The following ABCC5 variants were observed in gnomAD, a reference collection of about 807,000 sequenced individuals.
The protein encoded by ABCC5 is ATP-binding cassette sub-family C member 5.
ABCC5 carries 61 observed loss-of-function variants against 160.9 expected under a neutral mutation model. That is an observed-to-expected ratio of 0.38 (90% CI 0.31 to 0.47). The LOEUF is 0.47. ABCC5 is among the 20% of genes least tolerant of loss of function. The pLI is 0.99. For missense variants in ABCC5, 1,308 were observed against 1,813.3 expected, an observed-to-expected ratio of 0.72 and a Z score of 5.06; for synonymous variants, 666 against 700.6, an observed-to-expected ratio of 0.95 and a Z score of 0.78.
At chr3:183,985,742 C>A in intron 5 of ABCC5, 1 of 328,528 alleles carries the variant, frequency 3.0e-6, no homozygotes, top group African/African-American at 2.1e-5. Context: ...TCTGGTACTC[C>A]ATTAACATTA....
intron 28 of ABCC5, 74 bp from the exon 29 acceptor site, chr3:183,925,793 A>C: frequency 6.9e-7 from 1 of 1,449,536 alleles, no homozygotes; most frequent in Non-Finnish European, 9.3e-7. Flanking sequence ...ATTTTACTAA[A>C]ATGTATTTCA....
chr3:184,006,301 A>G (rs965908968), intron 2 of ABCC5: 5 of 23,748 alleles, frequency 2.1e-4, no homozygotes, highest in East Asian at 7.4e-3. Flanking sequence ...GGGAGAGAAG[A>G]AAAAAAAAAA....
At chr3:183,975,042 A>G (rs1259864848) in intron 10 of ABCC5, among the ~76,000 whole-genome samples, 1 of 152,226 alleles carries the variant, frequency 6.6e-6, no homozygotes, top group African/African-American at 2.4e-5. Flanking sequence ...GAATCAAAGA[A>G]GCAAGTCTCA....
In ABCC5 at chr3:183,970,439, CT is replaced by C. The variant is rs66475303; in HGVS notation, c.1761+1123del. ...CCCAGCACACTCTCTCCTCACCCAC[CT>C]TTTTTTTTTTTTTTGAGACTCACTC... On this transcript the variant is annotated intron_variant, in intron 11 of 29. Transcript: ENST00000334444. 5.3e-3 allele frequency among the ~76,000 whole-genome samples: 776 copies of C among 145,204 alleles called. 4 individuals are homozygous for C. The highest frequency in any genetic ancestry group is 0.015 in the African/African-American group (614 of 39,700).
rs925178737 is a variant in ABCC5 at position 183,921,438 on chromosome 3, G to C, written c.4213-37C>G. 5.7e-6 allele frequency: 9 copies of C among 1,586,046 alleles called. No individual in the cohort carries two copies. The highest frequency in any genetic ancestry group is 7.7e-6 in the Non-Finnish European group (9 of 1,166,088). ...GGAGACGCCGTCAGGACACAGCTCT[G>C]GGTCATGCAGGGTGATTCAGAGGAT... On this transcript the variant is annotated intron_variant, in intron 29 of 29. Coordinates refer to ENST00000334444, the MANE Select transcript of ABCC5 (RefSeq NM_005688.4). This position sits in a 1 kb window ranked among gnomAD's most constrained non-coding sequence, Gnocchi z 4.1.
intron 25 of ABCC5, 155 bp downstream of exon 25, chr3:183,942,572 G>C: frequency 1.1e-6 from 1 of 882,832 alleles, no homozygotes; most frequent in South Asian, 1.4e-5. Context: ...TCATCAAAGT[G>C]GGGTCAACAA....
chr3:183,997,529 T>C (rs1474540046), intron 2 of ABCC5, among the ~76,000 whole-genome samples: 1 of 152,134 alleles, frequency 6.6e-6, no homozygotes, highest in Non-Finnish European at 1.5e-5. Context: ...TCCTATGTCT[T>C]CCCTGTACCT....
rs200113703 is a variant in ABCC5 at position 183,927,687 on chromosome 3, C to T, written c.3934-244G>A. ...CATTAAAACATCCCAGAAATCCCAA[C>T]GCTTTCATGTCCCCAAAATCCAGTC... On this transcript the variant is annotated intron_variant, in intron 27 of 29. Coordinates refer to ENST00000334444, the MANE Select transcript of ABCC5 (RefSeq NM_005688.4). 5.1e-4 allele frequency: 503 copies of T among 985,420 alleles called. 4 individuals carry two copies. In the African/African-American group the frequency reaches 7.8e-3, roughly 15 times the overall value. The allele number at this position is 985,420 out of a possible 1,614,324, so 61.0% of individuals were successfully genotyped here.
rs566537047 is a variant in ABCC5, at chr3:183,947,195, T to C, written c.3414+129A>G. On this transcript the variant is annotated intron_variant, in intron 23 of 29. Coordinates refer to ENST00000334444, the MANE Select transcript of ABCC5 (RefSeq NM_005688.4). ...AGATTGTTACGGTCAAATCAGACCATGAGCAATTCTAGGGGTCCAGAGGTG... is the reference window on the plus strand; with the variant it reads ...AGATTGTTACGGTCAAATCAGACCACGAGCAATTCTAGGGGTCCAGAGGTG... 48 of 1,015,998 alleles carry C rather than the reference T, an allele frequency of 4.7e-5. No homozygotes were observed. In the African/African-American group the frequency reaches 6.7e-4, roughly 14 times the overall value. The allele number at this position is 1,015,998 out of a possible 1,614,324, so 62.9% of individuals were successfully genotyped here.
At chr3:183,933,448 T>G (rs1012324221) in intron 26 of ABCC5, among the ~76,000 whole-genome samples, 4 of 152,006 alleles carry the variant, frequency 2.6e-5, no homozygotes, top group African/African-American at 9.7e-5. Context: ...CTGGGTTTCC[T>G]GGGTCCAGGA....
chr3:183,925,292 A>T (rs1478614205), intron 29 of ABCC5, among the ~76,000 whole-genome samples: 1 of 152,222 alleles, frequency 6.6e-6, no homozygotes, highest in African/African-American at 2.4e-5. Context: ...CACTAAGTAC[A>T]TGTACTCTCT....
Position 183,954,342 on chromosome 3 carries a change from T to G in ABCC5, c.2483-1072A>C, listed in dbSNP as rs549048125. Among the ~76,000 whole-genome samples, 109 of 152,220 alleles carry G rather than the reference T, an allele frequency of 7.2e-4. 1 individual carries two copies. Among genetic ancestry groups the G allele is most frequent in the South Asian group, 4.8e-3 (23 of 4,820 alleles). On this transcript the variant is annotated intron_variant, in intron 17 of 29. Transcript: ENST00000334444. ...TTTTGTATTTTTAGTAGAGACGAGGTTTCACCATGTTGGCCAGGCTGGTCT... is the reference window on the plus strand; with the variant it reads ...TTTTGTATTTTTAGTAGAGACGAGGGTTCACCATGTTGGCCAGGCTGGTCT...
At chr3:183,973,821 G>A (rs543647145) in intron 10 of ABCC5, among the ~76,000 whole-genome samples, 2 of 152,280 alleles carry the variant, frequency 1.3e-5, no homozygotes, top group South Asian at 2.1e-4. Context: ...CCTTCACAGA[G>A]TAAAACCACA....
In ABCC5 at chr3:183,927,358, A is replaced by G; in HGVS notation, c.4019T>C (p.Ile1340Thr). The change falls in exon 28 of 30, where the codon ATA becomes ACA. Residue 1340 changes from isoleucine to threonine, a missense_variant. Physicochemically the swap from Ile to Thr is moderately conservative, Grantham distance 89. This residue lies in a region of ABCC5 where 163 missense variants were observed against 269.7 expected (regional missense o/e 0.60). Coordinates refer to ENST00000334444, the MANE Select transcript of ABCC5 (RefSeq NM_005688.4). ...ACAGTGGCGGAGCAGGGCTCTAGCT[A>G]TGCACAAGAGCTGCCGTTCCCCCAC... ...FSVGERQLLCIARALLRHCKI... is the reference protein window; with the variant it reads ...FSVGERQLLCTARALLRHCKI... 1.2e-6 allele frequency: 2 copies of G among 1,613,472 alleles called. No homozygotes were observed. The highest frequency in any genetic ancestry group is 1.1e-5 in the South Asian group (1 of 90,956).
Position 184,017,175 on chromosome 3 carries a change from G to T in ABCC5, c.-56+655C>A, listed in dbSNP as rs1465549236. Among the ~76,000 whole-genome samples, 1 of 152,094 alleles carries T rather than the reference G, an allele frequency of 6.6e-6. No homozygotes were observed. Among genetic ancestry groups the T allele is most frequent in the Non-Finnish European group, 1.5e-5 (1 of 68,036 alleles). On this transcript the variant is annotated intron_variant, in intron 1 of 29. Coordinates refer to ENST00000334444, the MANE Select transcript of ABCC5 (RefSeq NM_005688.4). This position sits in a 1 kb window ranked among gnomAD's most constrained non-coding sequence, Gnocchi z 4.5. The stretch of plus-strand genomic sequence containing the variant: ...TCTCCGTCTGTGCAGAAACCAAATG[G>T]CCCCTGTGTGATAAACACAAAGCCA...
rs570907250 is a variant in ABCC5, at chr3:183,982,709, C to T, written c.825+65G>A. 8.7e-6 allele frequency: 14 copies of T among 1,608,216 alleles called. No homozygotes were observed. Among genetic ancestry groups the T allele is most frequent in the African/African-American group, 1.3e-5 (1 of 74,830 alleles). On this transcript the variant is annotated intron_variant, in intron 6 of 29. Coordinates refer to ENST00000334444, the MANE Select transcript of ABCC5 (RefSeq NM_005688.4). The surrounding 1 kb of genome is among the most constrained non-coding windows in gnomAD (Gnocchi z 5.2). The stretch of plus-strand genomic sequence containing the variant: ...AGGAAGATAAAGGATAAGGCAGGGC[C>T]CTAGAGGAATGAACCTCAAGCTAGG...
chr3:183,978,404 C>T, intron 9 of ABCC5, 99 bp downstream of exon 9: 1 of 1,460,712 alleles, frequency 6.8e-7, no homozygotes, highest in Non-Finnish European at 9.3e-7. Context: ...TCTTGGCTCA[C>T]TGTAACCTCC....
intron 18 of ABCC5, among the ~76,000 whole-genome samples, chr3:183,952,625 TA>T (rs1559999637): frequency 6.6e-6 from 1 of 152,204 alleles, no homozygotes. Context: ...TCTGACAGTT[TA>T]AAAGTGTTTG....
chr3:183,936,181 A>G (rs1713699280), intron 26 of ABCC5, among the ~76,000 whole-genome samples: 1 of 152,166 alleles, frequency 6.6e-6, no homozygotes, highest in Admixed American at 6.5e-5. Context: ...CACCACAGGC[A>G]CACACCGAGG....
Sources: gnomAD v4.1 joint callset for allele counts (sites outside exome capture counted in the v4.1 genomes callset) on GRCh38, gnomAD v4.1.1 for gene constraint, gnomAD v4.1.1 regional missense constraint, Gnocchi (gnomAD v3.1) non-coding constraint, MANE v1.5 for transcripts, NCBI Gene and HGNC (gene_info 2026-07-23, HGNC 2026-07-21) for gene names.